ASPSCR1: variants seen among roughly 807,000 people sequenced by gnomAD.
ASPSCR1 encodes the protein tether containing UBX domain for GLUT4.
ASPSCR1 carries 55 observed loss-of-function variants against 68.9 expected under a neutral mutation model. The observed-to-expected ratio is 0.80, with a 90% CI of 0.64 to 1.00. The LOEUF (loss-of-function observed/expected upper bound fraction) is 1.00, where lower values mean the gene tolerates loss of function less well. Ranked by LOEUF, ASPSCR1 falls within the 50% of genes least tolerant of loss-of-function variation. The pLI, the probability that ASPSCR1 is intolerant of heterozygous loss-of-function variation, is 0.00. For synonymous variants in ASPSCR1, 352 were observed against 332.6 expected (o/e 1.06, Z -0.63); for missense variants, 765 against 762.2 (o/e 1.00, Z -0.04).
chr17:81,982,922 TC>T (rs1282770329), intron 2 of ASPSCR1, among the ~76,000 whole-genome samples: 1 of 152,146 alleles, frequency 6.6e-6, no homozygotes, highest in African/African-American at 2.4e-5. Flanking sequence ...CAAGCGATTC[TC>T]CTGCCTCAGC....
Position 81,979,218 on chromosome 17 carries a change from A to C in ASPSCR1, c.137A>C (p.Asn46Thr). The C allele has an allele frequency of 6.2e-7, 1 of 1,614,018 alleles. No individual in the cohort carries two copies. Among genetic ancestry groups the C allele is most frequent in the Non-Finnish European group, 8.5e-7 (1 of 1,179,994 alleles). Residue 46 changes from asparagine to threonine, a missense_variant, in exon 2 of 16, where the codon AAC (asparagine) becomes ACC (threonine). Coordinates refer to ENST00000306739, the MANE Select transcript of ASPSCR1 (RefSeq NM_024083.4). ...LEDTCRRQDF[N>T]PCEYDLKFQR... is the part of the protein sequence containing the mutation. Reference sequence around the variant, plus strand: ...GACACGTGCCGGCGGCAGGACTTCAACCCCTGTGAATATGATCTGAAGTGA... The same window carrying C: ...GACACGTGCCGGCGGCAGGACTTCACCCCCTGTGAATATGATCTGAAGTGA...
intron 2 of ASPSCR1, among the ~76,000 whole-genome samples, chr17:81,982,007 C>T (rs1231806935): frequency 2.6e-5 from 4 of 151,812 alleles, no homozygotes; most frequent in Non-Finnish European, 5.9e-5. Flanking sequence ...CTCGCTCTGT[C>T]GCCCAGGCTG....
At chr17:82,003,533 C>G (rs1464443103) in intron 7 of ASPSCR1, among the ~76,000 whole-genome samples, 1 of 152,248 alleles carries the variant, frequency 6.6e-6, no homozygotes, top group Non-Finnish European at 1.5e-5. Flanking sequence ...GGGCCATGAG[C>G]ATCGGTGCGG....
In ASPSCR1 at chr17:81,979,248, G is replaced by T; in HGVS notation, c.158+9G>T. 3.7e-6 allele frequency: 6 copies of T among 1,613,562 alleles called. No homozygotes were observed. The highest frequency in any genetic ancestry group is 5.1e-6 in the Non-Finnish European group (6 of 1,179,578). On this transcript the variant is annotated intron_variant, in intron 2 of 15. Coordinates refer to ENST00000306739, the MANE Select transcript of ASPSCR1 (RefSeq NM_024083.4). ...TGTGAATATGATCTGAAGTGAGTTT[G>T]CTCCAGCTCAGCAGCAGGGTCTGAG...
intron 3 of ASPSCR1, among the ~76,000 whole-genome samples, chr17:81,984,989 T>C (rs1477460417): frequency 1.5e-5 from 1 of 67,646 alleles, no homozygotes; most frequent in Non-Finnish European, 2.7e-5. Flanking sequence ...CACACCTGCG[T>C]GCACACCCCC....
At position 81,985,515 on chromosome 17, in the gene ASPSCR1, C is replaced by G. The variant is rs369083342; in HGVS notation, c.282C>G (p.Ile94Met). 6.2e-7 allele frequency: 1 copy of G among 1,613,942 alleles called. No homozygotes were observed. Among genetic ancestry groups the G allele is most frequent in the African/African-American group, 1.3e-5 (1 of 74,950 alleles). ...TGTCTTATACCCTCCAGGTTCGCAT[C>G]GCTTTGCAGCTGGACGATGGCTCGA... The part of the protein sequence containing the change: ...SREGPENMVR[I>M]ALQLDDGSRL... Residue 94 changes from isoleucine (I) to methionine (M), a missense_variant, in exon 4 of 16, where the codon ATC becomes ATG. Ile to Met is a conservative substitution (Grantham distance 10, BLOSUM62 1). Transcript: ENST00000306739.
chr17:82,002,416 C>G (rs2042568488), intron 7 of ASPSCR1, among the ~76,000 whole-genome samples: 2 of 151,754 alleles, frequency 1.3e-5, no homozygotes, highest in Admixed American at 6.6e-5. Context: ...TGTCTGCCAC[C>G]TGTAATTTCT....
At chr17:82,010,926 C>T (rs567842210) in intron 10 of ASPSCR1, 58 bp downstream of exon 10, 84 of 1,573,472 alleles carry the variant, frequency 5.3e-5, no homozygotes, top group African/African-American at 3.8e-4. Flanking sequence ...GGGCCTCTCC[C>T]GGCTCCTTCC....
intron 7 of ASPSCR1, among the ~76,000 whole-genome samples, chr17:82,003,204 G>A (rs567328637): frequency 2.6e-5 from 4 of 152,328 alleles, no homozygotes; most frequent in African/African-American, 4.8e-5. Flanking sequence ...ACAGCACTTC[G>A]GGAGACCGAG....
chr17:82,017,014 G>A lies in ASPSCR1; in HGVS notation c.1549G>A (p.Ala517Thr), dbSNP rs752807625. The part of the protein sequence containing the change: ...PDPAPKSEPA[A>T]EEGALVPPEP... ...CCCTGCACCTAAGTCTGAGCCAGCT[G>A]CTGAGGAGGGGGCGCTGGTCCCCCC... is the stretch of plus-strand genomic sequence containing the variant. The change falls in exon 15 of 16, where the codon GCT becomes ACT. Residue 517 changes from alanine (A) to threonine (T), a missense_variant. Transcript: ENST00000306739. 5 of 1,612,592 alleles carry A rather than the reference G, an allele frequency of 3.1e-6. No homozygotes were observed. In the Admixed American group the frequency reaches 8.3e-5, roughly 27 times the overall value.
chr17:81,981,823 GC>G (rs1200453342), intron 2 of ASPSCR1, among the ~76,000 whole-genome samples: 1 of 151,606 alleles, frequency 6.6e-6, no homozygotes, highest in Non-Finnish European at 1.5e-5. Flanking sequence ...CACGTGCCAC[GC>G]CTGGCTAATT....
chr17:82,010,357 A>G (rs143611162), intron 9 of ASPSCR1, among the ~76,000 whole-genome samples: 6,902 of 151,212 alleles, frequency 0.046, 385 homozygotes, highest in Admixed American at 0.15. Flanking sequence ...GTGAAACCCC[A>G]TCTCTACTAA....
rs1049627639 is a variant in ASPSCR1 at position 81,987,907 on chromosome 17, C to T, written c.374+2300C>T. ...GGGCACGGTGGCTCACACCTGTAAT[C>T]GCAGCACTTTGGGAGGCTGAGGCGG... On this transcript the variant is annotated intron_variant, in intron 4 of 15. Transcript: ENST00000306739. This position sits in a 1 kb window ranked among gnomAD's most constrained non-coding sequence, Gnocchi z 5.6. 4.6e-5 allele frequency among the ~76,000 whole-genome samples: 7 copies of T among 152,062 alleles called. No individual in the cohort carries two copies. Among genetic ancestry groups the T allele is most frequent in the East Asian group, 3.8e-4 (2 of 5,198 alleles).
chr17:82,012,099 A>T, intron 11 of ASPSCR1, 132 bp from the exon 12 acceptor site: 1 of 1,088,534 alleles, frequency 9.2e-7, no homozygotes, highest in South Asian at 1.3e-5. Context: ...GTGTGGGCAC[A>T]GGGCGTGCTC....
At chr17:82,016,773 T>G in intron 13 of ASPSCR1, 27 bp from the exon 14 acceptor site, 1 of 1,602,740 alleles carries the variant, frequency 6.2e-7, no homozygotes. Context: ...CCTCAGAGGC[T>G]CAGGGTGAGC....
At chr17:81,991,278 G>T (rs2042152246) in intron 4 of ASPSCR1, among the ~76,000 whole-genome samples, 1 of 152,212 alleles carries the variant, frequency 6.6e-6, no homozygotes, top group African/African-American at 2.4e-5. Flanking sequence ...CCCCTGGCTG[G>T]ATCTCTTCCC....
At chr17:82,002,002 CCT>C (rs369384915) in intron 7 of ASPSCR1, among the ~76,000 whole-genome samples, 1 of 133,730 alleles carries the variant, frequency 7.5e-6, no homozygotes, top group South Asian at 2.3e-4. Flanking sequence ...TTTTCTTTTT[CCT>C]TTTTTTTTTT....
intron 12 of ASPSCR1, chr17:82,013,580 T>A (rs2043024346): frequency 6.6e-6 from 1 of 152,122 alleles, no homozygotes. Flanking sequence ...AGCACCAGCT[T>A]TCACGTCTCT....
chr17:81,996,278 GGAGGGCGCATGGGGCAGGA>G, intron 6 of ASPSCR1, 123 bp from the exon 7 acceptor site: 2 of 1,428,166 alleles, frequency 1.4e-6, no homozygotes, highest in Non-Finnish European at 1.8e-6. Flanking sequence ...GTGGATCTTG[GGAGGGCGCATGGGGCAGGA>G]GAGGGTGAAC....
Sources: gnomAD v4.1 joint callset for allele counts (sites outside exome capture counted in the v4.1 genomes callset) on GRCh38, gnomAD v4.1.1 for gene constraint, Gnocchi (gnomAD v3.1) non-coding constraint, MANE v1.5 for transcripts, NCBI Gene and HGNC (gene_info 2026-07-23, HGNC 2026-07-21) for gene names.